The following MRPS27 variants were observed in gnomAD, a reference collection of about 807,000 sequenced individuals.
The protein encoded by MRPS27 is small ribosomal subunit protein mS27.
In MRPS27, 43 loss-of-function variants were observed where a neutral mutation model predicts 48.9. That is an observed-to-expected ratio of 0.88 (90% confidence interval 0.69 to 1.13). MRPS27 has a LOEUF of 1.13. Among genes scored for constraint, MRPS27 ranks in the 50% most tolerant of loss-of-function variants. The pLI is 0.00. For missense variants in MRPS27, 467 were observed against 476.3 expected (o/e 0.98, Z 0.18); for synonymous variants, 188 against 171.9 (o/e 1.09, Z -0.73).
intron 4 of MRPS27, chr5:72,294,432 A>G (rs1458023802): frequency 6.6e-6 from 1 of 152,166 alleles, no homozygotes; most frequent in African/African-American, 2.4e-5. Flanking sequence ...TACTGGAAAC[A>G]TTTAAAATTT....
intron 2 of MRPS27, among the ~76,000 whole-genome samples, chr5:72,308,299 T>C (rs1053465519): frequency 3.3e-5 from 5 of 152,118 alleles, no homozygotes; most frequent in African/African-American, 1.2e-4. Flanking sequence ...AGGGCACGGC[T>C]CAGGGGAGAC....
chr5:72,228,473 TAAAC>T (rs768122663), intron 7 of MRPS27, 105 bp from the exon 8 acceptor site: 27 of 729,906 alleles, frequency 3.7e-5, no homozygotes, highest in Non-Finnish European at 6.1e-5. Context: ...TAGCATTAAG[TAAAC>T]AAAGAAGAAC....
intron 1 of MRPS27, 98 bp from the exon 2 acceptor site, chr5:72,314,256 G>T: frequency 3.7e-6 from 3 of 803,426 alleles, no homozygotes; most frequent in South Asian, 1.8e-5. Flanking sequence ...TCAACTACTA[G>T]ATTATATATT....
chr5:72,221,836 T>C (rs1270669433), intron 10 of MRPS27, among the ~76,000 whole-genome samples: 2 of 152,236 alleles, frequency 1.3e-5, no homozygotes, highest in Admixed American at 6.5e-5. Flanking sequence ...TCTTTATGTA[T>C]TGCCTGCTTA....
At chr5:72,239,135 A>ATTTTTTTTTTTTTTTTTTTTTTCCT (rs1748286266) in intron 4 of MRPS27, among the ~76,000 whole-genome samples, 1 of 152,146 alleles carries the variant, frequency 6.6e-6, no homozygotes, top group Non-Finnish European at 1.5e-5. Flanking sequence ...TAAAAAGAAA[A>ATTTTTTTTTTTTTTTTTTTTTTCCT]AGGTGAGACA....
intron 7 of MRPS27, 58 bp downstream of exon 7, chr5:72,232,385 C>A: frequency 1.5e-6 from 2 of 1,310,484 alleles, no homozygotes; most frequent in Admixed American, 2.1e-5. Context: ...CTTTTGAGAG[C>A]AAGCCCCTGC....
chr5:72,268,173 A>C (rs976928009), intron 4 of MRPS27, among the ~76,000 whole-genome samples: 1 of 152,148 alleles, frequency 6.6e-6, no homozygotes, highest in Non-Finnish European at 1.5e-5. Context: ...AAAAGAAAAA[A>C]AAATTATAAG....
intron 2 of MRPS27, among the ~76,000 whole-genome samples, chr5:72,310,756 C>T (rs1348806032): frequency 6.6e-6 from 1 of 152,184 alleles, no homozygotes; most frequent in Admixed American, 6.5e-5. Context: ...ATTTGCATTA[C>T]ATTAAAGTCT....
chr5:72,245,225 T>C (rs1380075684), intron 4 of MRPS27, among the ~76,000 whole-genome samples: 1 of 152,166 alleles, frequency 6.6e-6, no homozygotes, highest in Non-Finnish European at 1.5e-5. Flanking sequence ...GAGAGGCAGT[T>C]ACTGAAGGCC....
At chr5:72,273,592 T>C (rs1695849539) in intron 4 of MRPS27, among the ~76,000 whole-genome samples, 1 of 152,178 alleles carries the variant, frequency 6.6e-6, no homozygotes, top group African/African-American at 2.4e-5. Flanking sequence ...TGTAGGCAAC[T>C]GTAACACAAT....
Position 72,295,568 on chromosome 5 carries a change from G to T in MRPS27, c.244C>A (p.Arg82=). Residue 82 remains arginine, a synonymous_variant, in exon 4 of 11, where the codon CGG becomes AGG. Coordinates refer to ENST00000261413, the MANE Select transcript of MRPS27 (RefSeq NM_015084.3). Reference sequence around the variant, plus strand: ...TACTCTGCATGATCTATCTCTTCCCGAGAGGAAATGTTGTCTATAAGCTAA... The same window carrying T: ...TACTCTGCATGATCTATCTCTTCCCTAGAGGAAATGTTGTCTATAAGCTAA... The part of the protein sequence containing the change: ...ISRLIDNISS[R]EEIDHAEYYL... 1 of 1,610,312 alleles carries T rather than the reference G, an allele frequency of 6.2e-7. No individual in the cohort carries two copies. Among genetic ancestry groups the T allele is most frequent in the Non-Finnish European group, 8.5e-7 (1 of 1,176,776 alleles).
chr5:72,299,467 T>C (rs1353574641), intron 2 of MRPS27, among the ~76,000 whole-genome samples: 1 of 152,262 alleles, frequency 6.6e-6, no homozygotes, highest in Non-Finnish European at 1.5e-5. Flanking sequence ...AGACTCTTCA[T>C]TGCTTACGCA....
At chr5:72,279,070 C>T (rs1749463606) in intron 4 of MRPS27, among the ~76,000 whole-genome samples, 1 of 152,216 alleles carries the variant, frequency 6.6e-6, no homozygotes, top group African/African-American at 2.4e-5. Context: ...TGCCAAACTA[C>T]TCTTCAAGGT....
chr5:72,221,287 T>C, intron 10 of MRPS27, 139 bp from the exon 11 acceptor site: 1 of 1,075,316 alleles, frequency 9.3e-7, no homozygotes, highest in Non-Finnish European at 1.3e-6. Context: ...CTCATTCTAG[T>C]GGCCCAGAAT....
intron 4 of MRPS27, among the ~76,000 whole-genome samples, chr5:72,284,997 C>A (rs2112040789): frequency 6.6e-6 from 1 of 152,086 alleles, no homozygotes; most frequent in East Asian, 1.9e-4. Context: ...ATTATTGGGC[C>A]AGAGGGTATT....
chr5:72,241,561 A>C, intron 4 of MRPS27: 3 of 1,300,094 alleles, frequency 2.3e-6, no homozygotes, highest in Non-Finnish European at 3.2e-6. Flanking sequence ...GTGACTTTTT[A>C]AGCAGTTCAG....
intron 4 of MRPS27, among the ~76,000 whole-genome samples, chr5:72,255,030 T>C (rs1181469144): frequency 4.1e-5 from 2 of 48,416 alleles, no homozygotes; most frequent in African/African-American, 3.6e-4. Context: ...ATTTCTTTTC[T>C]TTTTTTTTTT....
At chr5:72,291,475 C>T (rs775196765) in intron 4 of MRPS27, among the ~76,000 whole-genome samples, 23 of 152,094 alleles carry the variant, frequency 1.5e-4, no homozygotes, top group Non-Finnish European at 2.8e-4. Flanking sequence ...TTTATTAATG[C>T]ATGAAATAAC....
chr5:72,251,859 C>G (rs752436360), intron 4 of MRPS27, among the ~76,000 whole-genome samples: 13 of 152,166 alleles, frequency 8.5e-5, no homozygotes, highest in Non-Finnish European at 1.5e-4. Flanking sequence ...AGCCACTGAC[C>G]CAGCTTTGTT....
Sources: allele counts gnomAD v4.1 joint callset (sites outside exome capture counted in the v4.1 genomes callset), GRCh38; gene constraint gnomAD v4.1.1; transcripts MANE v1.5; gene names NCBI Gene and HGNC (gene_info 2026-07-23, HGNC 2026-07-21).